ADAMTS6: variants seen among roughly 807,000 people sequenced by gnomAD.
The protein encoded by ADAMTS6 is ADAM metallopeptidase with thrombospondin type 1 motif 6, also known as A disintegrin and metalloproteinase with thrombospondin motifs 6.
In ADAMTS6, 23 loss-of-function variants were observed where a neutral mutation model predicts 144.3. The ratio of observed to expected loss-of-function variants is 0.16; its 90% CI spans 0.11 to 0.23. The LOEUF is 0.23. Among genes scored for constraint, ADAMTS6 ranks in the 10% least tolerant of loss-of-function variants. The pLI is 1.00. For synonymous variants in ADAMTS6, 444 were observed against 457.5 expected, an observed-to-expected ratio of 0.97 and a Z score of 0.38; for missense variants, 999 against 1,379.6, an observed-to-expected ratio of 0.72 and a Z score of 4.37.
intron 9 of ADAMTS6, among the ~76,000 whole-genome samples, chr5:65,318,131 T>C (rs531725713): frequency 6.6e-6 from 1 of 151,312 alleles, no homozygotes; most frequent in Admixed American, 6.6e-5. Flanking sequence ...CAAAAAGTTG[T>C]TCAATATAAT....
intron 7 of ADAMTS6, among the ~76,000 whole-genome samples, chr5:65,432,627 T>C (rs958166327): frequency 6.6e-6 from 1 of 152,144 alleles, no homozygotes; most frequent in Admixed American, 6.5e-5. Context: ...CCACCCATTA[T>C]GTAAAGTAAT....
At chr5:65,383,475 G>A (rs1409345541) in intron 7 of ADAMTS6, among the ~76,000 whole-genome samples, 1 of 152,086 alleles carries the variant, frequency 6.6e-6, no homozygotes, top group Non-Finnish European at 1.5e-5. Context: ...AACCCAACAG[G>A]GCAAACAACA....
At chr5:65,399,706 CATAT>C (rs1250887085) in intron 7 of ADAMTS6, among the ~76,000 whole-genome samples, 1 of 148,082 alleles carries the variant, frequency 6.8e-6, no homozygotes, top group African/African-American at 2.6e-5. Context: ...TATACATGAG[CATAT>C]ATAGATACAG....
intron 4 of ADAMTS6, among the ~76,000 whole-genome samples, chr5:65,453,173 T>G (rs540196440): frequency 6.6e-6 from 1 of 152,104 alleles, no homozygotes; most frequent in Admixed American, 6.5e-5. Flanking sequence ...TAAAAATAAT[T>G]TTCAAATAGT....
In ADAMTS6 at chr5:65,214,198, A is replaced by C. The variant is rs1423364566; in HGVS notation, c.2575+596T>G. On this transcript the variant is annotated intron_variant, in intron 20 of 24. Transcript: ENST00000381055. The surrounding 1 kb of genome is among the most constrained non-coding windows in gnomAD (Gnocchi z 4.6). ...ACCCATGAAAAACGCACATGGGACA[A>C]CCAACACATCACCAACCACCGCCTA... The C allele has an allele frequency of 5.6e-6, 1 of 177,894 alleles. No homozygotes were observed. Among genetic ancestry groups the C allele is most frequent in the African/African-American group, 2.4e-5 (1 of 41,564 alleles). 11.0% of individuals were successfully genotyped at this position (177,894 alleles called of 1,614,324 possible).
intron 18 of ADAMTS6, among the ~76,000 whole-genome samples, chr5:65,222,947 C>G (rs1314734643): frequency 1.7e-4 from 26 of 151,120 alleles, no homozygotes; most frequent in Non-Finnish European, 3.8e-4. Context: ...ATATATCTGA[C>G]AAAGACTTAT....
At chr5:65,451,773 G>A (rs1758760302) in intron 6 of ADAMTS6, among the ~76,000 whole-genome samples, 153 bp from the exon 7 acceptor site, 1 of 152,118 alleles carries the variant, frequency 6.6e-6, no homozygotes, top group African/African-American at 2.4e-5. Context: ...CTGACCTAGA[G>A]CTCATTTGGT....
intron 7 of ADAMTS6, among the ~76,000 whole-genome samples, chr5:65,345,978 G>T (rs1459299775): frequency 6.6e-6 from 1 of 151,778 alleles, no homozygotes; most frequent in African/African-American, 2.4e-5. Context: ...ATCTAAACAC[G>T]TTAGCCTGAA....
At chr5:65,464,988 T>C (rs1028026106) in intron 3 of ADAMTS6, among the ~76,000 whole-genome samples, 1 of 152,210 alleles carries the variant, frequency 6.6e-6, no homozygotes, top group African/African-American at 2.4e-5. Context: ...TCTCACTTCA[T>C]GGAATCCAGC....
chr5:65,170,234 G>T (rs1199704856), intron 24 of ADAMTS6, among the ~76,000 whole-genome samples: 2 of 152,120 alleles, frequency 1.3e-5, no homozygotes, highest in African/African-American at 2.4e-5. Flanking sequence ...TCTTCAGAAT[G>T]ATAGAGATCC....
chr5:65,238,597 C>G (rs1486628242), intron 15 of ADAMTS6, among the ~76,000 whole-genome samples: 4 of 146,942 alleles, frequency 2.7e-5, no homozygotes, highest in Non-Finnish European at 6.0e-5. Flanking sequence ...CAGACCCTGT[C>G]TCAAAAAAAA....
intron 9 of ADAMTS6, among the ~76,000 whole-genome samples, chr5:65,317,953 T>C (rs375378113): frequency 6.6e-6 from 1 of 151,342 alleles, no homozygotes; most frequent in Non-Finnish European, 1.5e-5. Flanking sequence ...TGGGCCCCTG[T>C]AGTCCCAGCT....
At chr5:65,208,624 A>G (rs1247023771) in intron 20 of ADAMTS6, among the ~76,000 whole-genome samples, 1 of 152,174 alleles carries the variant, frequency 6.6e-6, no homozygotes, top group African/African-American at 2.4e-5. Flanking sequence ...CTTGAATTCT[A>G]CCTATAAATT....
chr5:65,436,796 T>G (rs943345349), intron 7 of ADAMTS6, among the ~76,000 whole-genome samples: 5 of 151,688 alleles, frequency 3.3e-5, no homozygotes, highest in Admixed American at 6.6e-5. Context: ...AGACGGAGAT[T>G]GCAGTGGGCC....
intron 7 of ADAMTS6, among the ~76,000 whole-genome samples, chr5:65,424,061 A>G (rs1271016613): frequency 6.6e-6 from 1 of 152,222 alleles, no homozygotes; most frequent in Non-Finnish European, 1.5e-5. Flanking sequence ...CACAGGTTTT[A>G]GCTGCAACAA....
At chr5:65,292,996 A>T (rs1195394200) in intron 10 of ADAMTS6, among the ~76,000 whole-genome samples, 2 of 152,104 alleles carry the variant, frequency 1.3e-5, no homozygotes, top group Non-Finnish European at 2.9e-5. Context: ...TTTTTAAATA[A>T]TGCTTTTTTG....
chr5:65,398,828 GAA>G (rs1185389299), intron 7 of ADAMTS6, among the ~76,000 whole-genome samples: 1 of 145,002 alleles, frequency 6.9e-6, no homozygotes, highest in African/African-American at 2.6e-5. Context: ...AAGAAAGAAA[GAA>G]AGAAAGAAAG....
Position 65,427,601 on chromosome 5 carries a change from A to G in ADAMTS6, c.1073+23874T>C, listed in dbSNP as rs139890386. ...ATCGTGAGGTCAAGAGATCGAGACC[A>G]TCGTGGCTAACATGGTGAAACCCCG... On this transcript the variant is annotated intron_variant, in intron 7 of 24. Coordinates refer to ENST00000381055, the MANE Select transcript of ADAMTS6 (RefSeq NM_197941.4). Among the ~76,000 whole-genome samples, 1,092 of 152,228 alleles carry G rather than the reference A, an allele frequency of 7.2e-3. 13 individuals carry two copies. Among genetic ancestry groups the G allele is most frequent in the African/African-American group, 0.025 (1,026 of 41,552 alleles).
chr5:65,182,443 CAAAAAAAAAAAA>C (rs1216237939), intron 22 of ADAMTS6, among the ~76,000 whole-genome samples: 3 of 56,478 alleles, frequency 5.3e-5, no homozygotes, highest in Non-Finnish European at 8.0e-5. Flanking sequence ...GACTCCATCT[CAAAAAAAAAAAA>C]AAAAAAAAAG....
Sources: allele counts gnomAD v4.1 joint callset (sites outside exome capture counted in the v4.1 genomes callset), GRCh38; gene constraint gnomAD v4.1.1; non-coding constraint Gnocchi (gnomAD v3.1); transcripts MANE v1.5; gene names NCBI Gene and HGNC (gene_info 2026-07-23, HGNC 2026-07-21).